Variants in BBS9 observed in about 807,000 individuals in gnomAD.
BBS9 encodes the protein Bardet-Biedl syndrome 9, also known as protein PTHB1.
A neutral mutation model predicts 117.7 loss-of-function variants in BBS9; 89 were observed. That is an observed-to-expected ratio of 0.76 (90% CI 0.64 to 0.90). BBS9 has a LOEUF of 0.90. Ranked by LOEUF, BBS9 falls within the 40% of genes least tolerant of loss-of-function variation. The pLI is 0.00. For synonymous variants in BBS9, 379 were observed against 370.9 expected (o/e 1.02, Z -0.25); for missense variants, 982 against 1,042.2 (o/e 0.94, Z 0.80).
chr7:33,606,918 T>C (rs1481118285), downstream of BBS9, among the ~76,000 whole-genome samples: 1 of 152,148 alleles, frequency 6.6e-6, no homozygotes, highest in African/African-American at 2.4e-5. Context: ...CTCTCTTATA[T>C]GCCCCTTAAA....
chr7:33,386,689 T>A (rs2128753585), intron 18 of BBS9, among the ~76,000 whole-genome samples: 1 of 151,856 alleles, frequency 6.6e-6, no homozygotes, highest in African/African-American at 2.4e-5. Context: ...AGAGACGGGG[T>A]TTCACTGTGT....
intron 9 of BBS9, among the ~76,000 whole-genome samples, chr7:33,298,777 A>G (rs940223535): frequency 2.6e-5 from 4 of 152,196 alleles, no homozygotes; most frequent in Admixed American, 6.5e-5. Context: ...TCTTAGAGGC[A>G]TTTGATTCAG....
intron 4 of BBS9, among the ~76,000 whole-genome samples, chr7:33,175,610 A>G (rs562670002): frequency 6.6e-6 from 1 of 152,254 alleles, no homozygotes; most frequent in East Asian, 1.9e-4. Context: ...TTCATTCCTG[A>G]CAGCTTAGCA....
intron 1 of BBS9, among the ~76,000 whole-genome samples, chr7:33,145,452 G>A (rs1792188886): frequency 6.6e-6 from 1 of 152,158 alleles, no homozygotes; most frequent in Admixed American, 6.6e-5. Context: ...AGGACACACG[G>A]ATAGTTAGTG....
chr7:33,293,575 A>G (rs151043794), intron 9 of BBS9, among the ~76,000 whole-genome samples: 2 of 152,318 alleles, frequency 1.3e-5, no homozygotes, highest in African/African-American at 4.8e-5. Context: ...ATCAGTACAG[A>G]AAATTTATAA....
intron 16 of BBS9, among the ~76,000 whole-genome samples, chr7:33,360,482 G>A (rs1820415933): frequency 6.6e-6 from 1 of 150,648 alleles, no homozygotes; most frequent in South Asian, 2.1e-4. Flanking sequence ...GCTATCTGGG[G>A]TGCTTCTGGC....
At chr7:33,466,512 ATG>A (rs1407017961) in intron 19 of BBS9, among the ~76,000 whole-genome samples, 2 of 151,948 alleles carry the variant, frequency 1.3e-5, no homozygotes, top group African/African-American at 2.4e-5. Context: ...TCTTTTGTGT[ATG>A]TGTGTGTATA....
At chr7:33,612,664 C>G (rs1864939286) in intron 21 of BBS9, among the ~76,000 whole-genome samples, 1 of 152,036 alleles carries the variant, frequency 6.6e-6, no homozygotes, top group African/African-American at 2.4e-5. Flanking sequence ...ATTGTGTAGT[C>G]TATTCCTTCA....
At chr7:33,574,216 T>A (rs1858331820) in intron 21 of BBS9, among the ~76,000 whole-genome samples, 1 of 152,186 alleles carries the variant, frequency 6.6e-6, no homozygotes. Context: ...ATAGTGAATA[T>A]AAGAAGCTAA....
intron 5 of BBS9, among the ~76,000 whole-genome samples, chr7:33,185,954 C>T (rs1798750324): frequency 6.6e-6 from 1 of 152,102 alleles, no homozygotes; most frequent in South Asian, 2.1e-4. Context: ...TAAGGTATGG[C>T]AAGAAATCAC....
intron 20 of BBS9, among the ~76,000 whole-genome samples, chr7:33,527,636 C>A (rs959695044): frequency 6.6e-6 from 1 of 152,198 alleles, no homozygotes; most frequent in Admixed American, 6.5e-5. Context: ...CACTGACCTG[C>A]GCCCACTGTC....
intron 19 of BBS9, among the ~76,000 whole-genome samples, chr7:33,411,010 TG>T (rs66853610): frequency 0.045 from 4,302 of 95,074 alleles, 112 homozygotes; most frequent in Non-Finnish European, 0.069. Flanking sequence ...AAAATGTTGG[TG>T]TTTTTTTTTT....
At chr7:33,519,228 G>A (rs755867990) in intron 20 of BBS9, among the ~76,000 whole-genome samples, 3 of 152,162 alleles carry the variant, frequency 2.0e-5, no homozygotes, top group Non-Finnish European at 4.4e-5. Context: ...CAGGAGAGGA[G>A]TTGGTACCTT....
chr7:33,243,327 C>T (rs534947544), intron 5 of BBS9, among the ~76,000 whole-genome samples: 2 of 152,198 alleles, frequency 1.3e-5, no homozygotes, highest in Non-Finnish European at 2.9e-5. Context: ...TATTGGAATA[C>T]ACAAGGAGTG....
At chr7:33,380,342 C>G (rs1337869554) in intron 17 of BBS9, 1 of 158,346 alleles carries the variant, frequency 6.3e-6, no homozygotes. Context: ...CCAGCAGTGC[C>G]CTCTCCTTGG....
At chr7:33,500,182 A>C (rs571802469) in intron 19 of BBS9, among the ~76,000 whole-genome samples, 12 of 152,370 alleles carry the variant, frequency 7.9e-5, no homozygotes, top group African/African-American at 2.2e-4. Context: ...CCTCATGTTT[A>C]AAGCTGCGAC....
chr7:33,135,182 A>G (rs1790271709), intron 1 of BBS9, among the ~76,000 whole-genome samples: 1 of 152,188 alleles, frequency 6.6e-6, no homozygotes. Context: ...ATTAGCCACC[A>G]TGCCTTGCCC....
intron 3 of BBS9, among the ~76,000 whole-genome samples, chr7:33,153,689 A>G (rs1238337391): frequency 6.6e-6 from 1 of 152,146 alleles, no homozygotes; most frequent in Non-Finnish European, 1.5e-5. Flanking sequence ...ACAACCACTC[A>G]TGAGCATTCA....
chr7:33,211,755 G>A (rs1788068803), intron 5 of BBS9, among the ~76,000 whole-genome samples: 1 of 152,076 alleles, frequency 6.6e-6, no homozygotes, highest in South Asian at 2.1e-4. Context: ...AACTTCTTTA[G>A]CATTTCTTGT....
Sources: allele counts gnomAD v4.1 joint callset (sites outside exome capture counted in the v4.1 genomes callset), GRCh38; gene constraint gnomAD v4.1.1; transcripts MANE v1.5; gene names NCBI Gene and HGNC (gene_info 2026-07-23, HGNC 2026-07-21).